ADARB1: variants seen among roughly 807,000 people sequenced by gnomAD.
The protein encoded by ADARB1 is double-stranded RNA-specific editase 1.
In ADARB1, 10 loss-of-function variants were observed where a neutral mutation model predicts 52.4. The observed-to-expected ratio is 0.19, with a 90% CI of 0.12 to 0.32. The LOEUF is 0.32. ADARB1 is among the 10% of genes least tolerant of loss of function. The pLI, the probability that ADARB1 is intolerant of heterozygous loss-of-function variation, is 1.00. For synonymous variants in ADARB1, 349 were observed against 371.1 expected (o/e 0.94, Z 0.68); for missense variants, 643 against 922.3 (o/e 0.70, Z 3.92).
intron 1 of ADARB1, among the ~76,000 whole-genome samples, chr21:45,090,100 C>T (rs2086503795): frequency 6.6e-6 from 1 of 152,142 alleles, no homozygotes; most frequent in African/African-American, 2.4e-5. Context: ...ACCTTCTCTT[C>T]CTGGTTTGTC....
intron 1 of ADARB1, among the ~76,000 whole-genome samples, chr21:45,076,716 T>G (rs1163426723): frequency 6.6e-6 from 1 of 152,258 alleles, no homozygotes; most frequent in East Asian, 1.9e-4. Context: ...ATTTATGTAT[T>G]GTAAAACATT....
At chr21:45,092,957 C>T (rs1341290233) in intron 1 of ADARB1, among the ~76,000 whole-genome samples, 1 of 151,760 alleles carries the variant, frequency 6.6e-6, no homozygotes, top group African/African-American at 2.4e-5. Flanking sequence ...TATCATGTTC[C>T]ATTTTCTAAA....
intron 1 of ADARB1, among the ~76,000 whole-genome samples, chr21:45,076,111 C>A (rs757112949): frequency 1.3e-5 from 2 of 152,156 alleles, no homozygotes; most frequent in Non-Finnish European, 2.9e-5. Context: ...AGCTAATTGT[C>A]TTTTGATGAC....
chr21:45,225,083 G>GTTTT lies in ADARB1; in HGVS notation c.*2887_*2890dup, dbSNP rs796525560. On this transcript the variant is annotated 3_prime_UTR_variant, in exon 11 of 11. Transcript: ENST00000348831. ...GAGAGGGCTTCTGTTGTTTTGTTTTGTTTTGTTTTGTTAACTAAACCTGAA... is the reference window on the plus strand; with the variant it reads ...GAGAGGGCTTCTGTTGTTTTGTTTTGTTTTTTTTGTTTTGTTAACTAAACCTGAA... The GTTTT allele has an allele frequency of 1.0e-6, 1 of 988,858 alleles. No homozygotes were observed. The highest frequency in any genetic ancestry group is 1.7e-5 in the African/African-American group (1 of 57,464). The allele number at this position is 988,858 out of a possible 1,614,324, so 61.3% of individuals were successfully genotyped here.
rs1386691819 is a variant in ADARB1, at chr21:45,183,450, A to C, written c.1336A>C (p.Ile446Leu). ...LKENVQFHLY[I>L]STSPCGDARI... ...GGAGAATGTCCAGTTTCATCTGTAC[A>C]TCAGCACCTCTCCCTGTGGAGATGC... Residue 446 changes from isoleucine to leucine, a missense_variant, in exon 7 of 11, where the codon ATC (isoleucine) becomes CTC (leucine). By Grantham distance (5) the Ile-to-Leu change is conservative. Transcript: ENST00000348831. 6.2e-7 allele frequency: 1 copy of C among 1,613,522 alleles called. No individual in the cohort carries two copies. Among genetic ancestry groups the C allele is most frequent in the Admixed American group, 1.7e-5 (1 of 59,868 alleles).
At chr21:45,191,868 ATATATATATATATTTTTT>A (rs1326954693) in intron 8 of ADARB1, among the ~76,000 whole-genome samples, 1 of 76,234 alleles carries the variant, frequency 1.3e-5, no homozygotes, top group African/African-American at 6.8e-5. Flanking sequence ...ATATATATAT[ATATATATATATATTTTTT>A]TTTTTTTTTT....
chr21:45,137,921 G>A lies in ADARB1; in HGVS notation c.-48+9348G>A, dbSNP rs574395692. 8.0e-4 allele frequency among the ~76,000 whole-genome samples: 122 copies of A among 152,264 alleles called. 1 individual carries two copies. The highest frequency in any genetic ancestry group is 1.5e-3 in the Non-Finnish European group (100 of 68,012). ...AGAAGCCTGGTGGGCTGGAGGGGAG[G>A]GAGAGGCTGGGCCTGCTGGGGGCAG... On this transcript the variant is annotated intron_variant, in intron 2 of 10. Coordinates refer to ENST00000348831, the MANE Select transcript of ADARB1 (RefSeq NM_001112.4).
At position 45,175,993 on chromosome 21, in the gene ADARB1, C is replaced by T. The variant is rs758507445; in HGVS notation, c.292C>T (p.Leu98=). The T allele has an allele frequency of 6.2e-7, 1 of 1,613,966 alleles. No individual in the cohort carries two copies. Among genetic ancestry groups the T allele is most frequent in the Non-Finnish European group, 8.5e-7 (1 of 1,179,984 alleles). ...EIKPGLQYTL[L]SQTGPVHAPL... ...CAAGCCTGGTTTGCAGTACACACTC[C>T]TGTCCCAGACTGGGCCCGTGCACGC... Residue 98 remains leucine, a synonymous_variant, in exon 4 of 11, where the codon CTG becomes TTG. Coordinates refer to ENST00000348831, the MANE Select transcript of ADARB1 (RefSeq NM_001112.4).
intron 8 of ADARB1, among the ~76,000 whole-genome samples, chr21:45,194,582 C>T (rs976654681): frequency 1.3e-5 from 2 of 151,234 alleles, no homozygotes; most frequent in Admixed American, 1.3e-4. Context: ...TGTACTCTGC[C>T]TGTTCACCCC....
intron 1 of ADARB1, among the ~76,000 whole-genome samples, chr21:45,117,431 G>A (rs956205327): frequency 6.6e-6 from 1 of 152,190 alleles, no homozygotes; most frequent in African/African-American, 2.4e-5. Flanking sequence ...TTTCTGTTAT[G>A]TATATGGGAT....
intron 8 of ADARB1, among the ~76,000 whole-genome samples, chr21:45,187,765 T>G (rs527992902): frequency 6.6e-6 from 1 of 152,346 alleles, no homozygotes; most frequent in African/African-American, 2.4e-5. Flanking sequence ...CTGCATCAAT[T>G]GAGATGATCA....
At chr21:45,202,069 G>C (rs2092566251) in intron 8 of ADARB1, among the ~76,000 whole-genome samples, 1 of 152,038 alleles carries the variant, frequency 6.6e-6, no homozygotes, top group African/African-American at 2.4e-5. Context: ...GCATTTTCTT[G>C]GGAGCCACTG....
chr21:45,092,962 T>G (rs2086617220), intron 1 of ADARB1, among the ~76,000 whole-genome samples: 1 of 152,146 alleles, frequency 6.6e-6, no homozygotes, highest in South Asian at 2.1e-4. Flanking sequence ...TGTTCCATTT[T>G]CTAAAGTCGA....
intron 1 of ADARB1, among the ~76,000 whole-genome samples, chr21:45,121,237 C>T (rs1210424717): frequency 6.6e-6 from 1 of 152,156 alleles, no homozygotes; most frequent in African/African-American, 2.4e-5. Flanking sequence ...CCTTTTATAG[C>T]CACTCTTTTT....
rs1271616355 is a variant in ADARB1 at position 45,128,521 on chromosome 21, C to T, written c.-100C>T. ...AGATACTCTCTCAGTCCGCTCGCAC[C>T]GAAGGAAGCTGCCTTGGGATCAGAG... On this transcript the variant is annotated 5_prime_UTR_variant, in exon 2 of 11. Coordinates refer to ENST00000348831, the MANE Select transcript of ADARB1 (RefSeq NM_001112.4). The surrounding 1 kb of genome is among the most constrained non-coding windows in gnomAD (Gnocchi z 4.6). 1 of 152,200 alleles carries T rather than the reference C, an allele frequency of 6.6e-6. No homozygotes were observed. The highest frequency in any genetic ancestry group is 1.9e-4 in the East Asian group (1 of 5,186). The allele number at this position is 152,200 out of a possible 1,614,324, so 9.4% of individuals were successfully genotyped here.
At chr21:45,085,040 G>A (rs1399255114) in intron 1 of ADARB1, among the ~76,000 whole-genome samples, 1 of 152,182 alleles carries the variant, frequency 6.6e-6, no homozygotes, top group East Asian at 1.9e-4. Flanking sequence ...CTGGGATCAT[G>A]TGCAGTGAGC....
At chr21:45,219,665 T>C (rs1206669980) in intron 9 of ADARB1, among the ~76,000 whole-genome samples, 1 of 152,174 alleles carries the variant, frequency 6.6e-6, no homozygotes, top group African/African-American at 2.4e-5. Flanking sequence ...AGGAGCCAAA[T>C]GAGGTGGATT....
rs1224278155 is a variant in ADARB1, at chr21:45,215,100, T to C, written c.1748-5736T>C. Among the ~76,000 whole-genome samples, 4 of 152,290 alleles carry C rather than the reference T, an allele frequency of 2.6e-5. No individual in the cohort carries two copies. The South Asian group carries it at 6.2e-4, about 24-fold the overall frequency. ...TCTCACTCTTTCACCCAGGCTGGAG[T>C]GCAGTAACGTGATCATAGCTCATTG... On this transcript the variant is annotated intron_variant, in intron 9 of 10. Coordinates refer to ENST00000348831, the MANE Select transcript of ADARB1 (RefSeq NM_001112.4).
intron 5 of ADARB1, among the ~76,000 whole-genome samples, chr21:45,181,269 A>G (rs2091922681): frequency 6.6e-6 from 1 of 152,126 alleles, no homozygotes; most frequent in South Asian, 2.1e-4. Context: ...CTGAGGGGTC[A>G]CCTCTATCAG....
Sources: allele counts gnomAD v4.1 joint callset (sites outside exome capture counted in the v4.1 genomes callset), GRCh38; gene constraint gnomAD v4.1.1; non-coding constraint Gnocchi (gnomAD v3.1); transcripts MANE v1.5; gene names NCBI Gene and HGNC (gene_info 2026-07-23, HGNC 2026-07-21).